Variants in HTR3E observed in about 807,000 individuals in gnomAD.
HTR3E encodes 5-hydroxytryptamine (serotonin) receptor 3, family member E.
Under a neutral mutation model 38.0 loss-of-function variants are expected in HTR3E, and 38 were observed. The observed-to-expected ratio is 1.00, with a 90% CI of 0.77 to 1.31. The LOEUF (loss-of-function observed/expected upper bound fraction) is 1.31. HTR3E is among the 50% of genes most tolerant of loss of function. The pLI, the probability that HTR3E is intolerant of heterozygous loss-of-function variation, is 0.00. For synonymous variants in HTR3E, 210 were observed against 232.9 expected (o/e 0.90, Z 0.89); for missense variants, 547 against 585.2 (o/e 0.93, Z 0.67).
At chr3:184,098,586 G>A (rs1474975344) in intron 1 of HTR3E, among the ~76,000 whole-genome samples, 1 of 130,892 alleles carries the variant, frequency 7.6e-6, no homozygotes, top group East Asian at 2.5e-4. Flanking sequence ...AATATTCACT[G>A]TTCTTAGAGT....
At position 184,104,814 on chromosome 3, in the gene HTR3E, C is replaced by T; in HGVS notation, c.417C>T (p.Gly139=). The T allele has an allele frequency of 1.2e-6, 2 of 1,613,656 alleles. No individual in the cohort carries two copies. Among genetic ancestry groups the T allele is most frequent in the Non-Finnish European group, 1.7e-6 (2 of 1,179,908 alleles). Residue 139 remains glycine, a synonymous_variant, in exon 5 of 9, where the codon GGC becomes GGT. Transcript: ENST00000415389. ...ELMDVDKTPK[G]LTAYVSNEGR... ...TGGATGTGGATAAGACCCCAAAAGG[C>T]CTCACAGCATATGTAAGTAATGAAG... is the stretch of plus-strand genomic sequence containing the variant.
At chr3:184,099,720 C>CAAAAAAAA (rs1192532487) in intron 1 of HTR3E, among the ~76,000 whole-genome samples, 4 of 44,648 alleles carry the variant, frequency 9.0e-5, no homozygotes, top group African/African-American at 1.3e-4. Flanking sequence ...GACTCCGTCT[C>CAAAAAAAA]AAAAAAAAAA....
chr3:184,106,509 C>G lies in HTR3E; in HGVS notation c.1187C>G (p.Ala396Gly), dbSNP rs565321002. ...TCAGCAGGGCAGATGCCGGGCCCTGCGGAGGCAGAGCTGACAGGGGGCTCA... is the reference window on the plus strand; with the variant it reads ...TCAGCAGGGCAGATGCCGGGCCCTGGGGAGGCAGAGCTGACAGGGGGCTCA... ...EVSAGQMPGP[A>G]EAELTGGSEW... The change falls in exon 9 of 9, where the codon GCG (alanine) becomes GGG (glycine). Residue 396 changes from alanine (A) to glycine (G), a missense_variant. Coordinates refer to ENST00000415389, the MANE Select transcript of HTR3E (RefSeq NM_001256613.2). This position sits in a 1 kb window ranked among gnomAD's most constrained non-coding sequence, Gnocchi z 4.1. The G allele has an allele frequency of 1.1e-5, 18 of 1,611,056 alleles. No individual in the cohort carries two copies. Among genetic ancestry groups the G allele is most frequent in the South Asian group, 3.3e-5 (3 of 90,570 alleles).
intron 3 of HTR3E, among the ~76,000 whole-genome samples, chr3:184,101,900 A>G (rs1027392884): frequency 2.6e-5 from 4 of 152,206 alleles, no homozygotes; most frequent in Admixed American, 6.5e-5. Flanking sequence ...TGAAGCAGGA[A>G]AATCACTTGA....
rs750679560 is a variant in HTR3E at position 184,106,661 on chromosome 3, A to G, written c.1339A>G (p.Ile447Val). 1 of 1,614,030 alleles carries G rather than the reference A, an allele frequency of 6.2e-7. No homozygotes were observed. The highest frequency in any genetic ancestry group is 8.5e-7 in the Non-Finnish European group (1 of 1,179,996). Residue 447 changes from isoleucine to valine, a missense_variant, in exon 9 of 9, where the codon ATC becomes GTC. Physicochemically the swap from Ile to Val is conservative, Grantham distance 29. Transcript: ENST00000415389. This position sits in a 1 kb window ranked among gnomAD's most constrained non-coding sequence, Gnocchi z 4.1. ...RLYLLFMASSIITVICLWNT is the reference protein window; with the variant it reads ...RLYLLFMASSVITVICLWNT ...CTACCTGCTCTTCATGGCCTCCTCT[A>G]TCATCACCGTCATATGCCTCTGGAA...
intron 1 of HTR3E, among the ~76,000 whole-genome samples, chr3:184,099,442 C>T (rs141828188): frequency 1.3e-5 from 2 of 151,788 alleles, no homozygotes; most frequent in Non-Finnish European, 2.9e-5. Flanking sequence ...AGGCCGGGCA[C>T]GGTGGCTCAC....
chr3:184,105,084 A>G lies in HTR3E; in HGVS notation c.559+128A>G, dbSNP rs550224448. The G allele has an allele frequency of 1.2e-4, 143 of 1,179,262 alleles. No individual in the cohort carries two copies. In the East Asian group the frequency reaches 2.4e-3, roughly 19 times the overall value. The allele number at this position is 1,179,262 out of a possible 1,614,324, so 73.0% of individuals were successfully genotyped here. A position where few individuals can be genotyped will look rare whatever the true frequency, so the allele number is the denominator to read the frequency against. On this transcript the variant is annotated intron_variant, in intron 5 of 8. Transcript: ENST00000415389. ...AATAAGGCTCTATGGATGCTAAAAT[A>G]TTTTCCATAAAGGCAGAACCCAAGT...
At chr3:184,099,203 G>A (rs1452531601) in intron 1 of HTR3E, among the ~76,000 whole-genome samples, 2 of 151,828 alleles carry the variant, frequency 1.3e-5, no homozygotes. Flanking sequence ...AGACCAGCCT[G>A]GGCAATATAG....
In HTR3E at chr3:184,104,208, G is replaced by A. The variant is rs1407307518; in HGVS notation, c.306G>A (p.Trp102Ter). The A allele has an allele frequency of 6.2e-7, 1 of 1,612,070 alleles. No individual in the cohort carries two copies. Among genetic ancestry groups the A allele is most frequent in the South Asian group, 1.1e-5 (1 of 90,856 alleles). ...TTTGGGATAACCCATTTATCAGCTGGAACCCAGAGGAATGTGAGGGCATCA... is the reference window on the plus strand; with the variant it reads ...TTTGGGATAACCCATTTATCAGCTGAAACCCAGAGGAATGTGAGGGCATCA... ...EMVWDNPFIS[W>*]NPEECEGITK... Residue 102 changes from tryptophan (W) to a stop codon, truncating the protein, a stop_gained, in exon 4 of 9, where the codon TGG (tryptophan) becomes TGA (stop). Coordinates refer to ENST00000415389, the MANE Select transcript of HTR3E (RefSeq NM_001256613.2). LOFTEE classifies it high-confidence loss of function.
chr3:184,105,463 G>T (rs370577652), intron 6 of HTR3E, 36 bp downstream of exon 6: 23 of 1,568,890 alleles, frequency 1.5e-5, no homozygotes, highest in Non-Finnish European at 2.0e-5. Context: ...CCTTCCTCCC[G>T]CACTTTTACC....
intron 1 of HTR3E, among the ~76,000 whole-genome samples, chr3:184,098,410 G>A (rs768823247): frequency 2.6e-5 from 4 of 152,172 alleles, no homozygotes; most frequent in South Asian, 2.1e-4. Flanking sequence ...ATCTCTCCTC[G>A]TTAGATTATT....
chr3:184,104,425 G>A, intron 4 of HTR3E, 134 bp downstream of exon 4: 1 of 1,394,498 alleles, frequency 7.2e-7, no homozygotes, highest in Non-Finnish European at 9.5e-7. Context: ...GAGAAACTGA[G>A]CCAGGCGCAG....
Position 184,097,428 on chromosome 3 carries a change from C to T in HTR3E, c.-102C>T, listed in dbSNP as rs775179169. 35 of 771,108 alleles carry T rather than the reference C, an allele frequency of 4.5e-5. No homozygotes were observed. The highest frequency in any genetic ancestry group is 2.3e-4 in the Middle Eastern group (1 of 4,388). The allele number at this position is 771,108 out of a possible 1,614,324, so 47.8% of individuals were successfully genotyped here. A position where few individuals can be genotyped will look rare whatever the true frequency, so the allele number is the denominator to read the frequency against. ...TACAAATGTCAGTGGTCAACCAATG[C>T]TATTAGTATTCAAAGTCAGACTCTA... On this transcript the variant is annotated 5_prime_UTR_variant, in exon 1 of 9. Transcript: ENST00000415389.
intron 1 of HTR3E, 65 bp from the exon 2 acceptor site, chr3:184,100,420 G>A: frequency 1.9e-6 from 3 of 1,613,154 alleles, no homozygotes; most frequent in South Asian, 1.1e-5. Flanking sequence ...CTGCCTTGGG[G>A]CCCCTCTCAT....
chr3:184,098,241 A>T (rs1711768384), intron 1 of HTR3E, among the ~76,000 whole-genome samples: 1 of 152,232 alleles, frequency 6.6e-6, no homozygotes, highest in Non-Finnish European at 1.5e-5. Flanking sequence ...TTGGTGTCTC[A>T]CGTTGCTAGT....
Position 184,106,951 on chromosome 3 carries a change from A to T in HTR3E, c.*258A>T. On this transcript the variant is annotated 3_prime_UTR_variant, in exon 9 of 9. Transcript: ENST00000415389. The surrounding 1 kb of genome is among the most constrained non-coding windows in gnomAD (Gnocchi z 4.1). ...TTACGTCATCTGCATAGCAGACTATACCTCTTCTGTCCGCTGACTTGCCCA... is the reference window on the plus strand; with the variant it reads ...TTACGTCATCTGCATAGCAGACTATTCCTCTTCTGTCCGCTGACTTGCCCA... 2.2e-6 allele frequency: 1 copy of T among 448,974 alleles called. No individual in the cohort carries two copies. The highest frequency in any genetic ancestry group is 3.9e-6 in the Non-Finnish European group (1 of 253,338). 27.8% of individuals were successfully genotyped at this position (448,974 alleles called of 1,614,324 possible).
chr3:184,104,558 A>AG (rs892031865), intron 4 of HTR3E, among the ~76,000 whole-genome samples: 1 of 150,976 alleles, frequency 6.6e-6, no homozygotes, highest in African/African-American at 2.4e-5. Context: ...AAAAAAAAAA[A>AG]AAAAATTAGC....
Position 184,106,032 on chromosome 3 carries a change from T to C in HTR3E, c.925+63T>C. On this transcript the variant is annotated intron_variant, in intron 7 of 8. Transcript: ENST00000415389. This position sits in a 1 kb window ranked among gnomAD's most constrained non-coding sequence, Gnocchi z 4.1. ...AACTAACTCAGGAAGGGAGGTATTT[T>C]GGAAAAAGGAGGCCGTATGCCTGCC... 1 of 1,611,164 alleles carries C rather than the reference T, an allele frequency of 6.2e-7. No individual in the cohort carries two copies. Among genetic ancestry groups the C allele is most frequent in the Admixed American group, 1.7e-5 (1 of 59,920 alleles).
At chr3:184,102,147 A>G (rs377527634) in intron 3 of HTR3E, among the ~76,000 whole-genome samples, 42 of 152,190 alleles carry the variant, frequency 2.8e-4, no homozygotes, top group Admixed American at 1.6e-3. Context: ...ATTCTCAAAA[A>G]CTGACCACAT....
Sources: allele counts gnomAD v4.1 joint callset (sites outside exome capture counted in the v4.1 genomes callset), GRCh38; gene constraint gnomAD v4.1.1; non-coding constraint Gnocchi (gnomAD v3.1); transcripts MANE v1.5; gene names NCBI Gene and HGNC (gene_info 2026-07-23, HGNC 2026-07-21).